The following MPPED2 variants were observed in gnomAD, a reference collection of about 807,000 sequenced individuals.
MPPED2 encodes the protein metallophosphoesterase MPPED2.
Under a neutral mutation model 33.0 loss-of-function variants are expected in MPPED2, and 5 were observed. The observed-to-expected ratio is 0.15, with a 90% CI of 0.08 to 0.32. The LOEUF is 0.32. Ranked by LOEUF, MPPED2 falls within the 10% of genes least tolerant of loss-of-function variation. MPPED2 has a pLI of 1.00. For missense variants in MPPED2, 275 were observed against 372.1 expected, an observed-to-expected ratio of 0.74 and a Z score of 2.15; for synonymous variants, 136 against 141.9, an observed-to-expected ratio of 0.96 and a Z score of 0.29.
At chr11:30,443,654 T>C (rs1048652234) in intron 4 of MPPED2, among the ~76,000 whole-genome samples, 1 of 152,156 alleles carries the variant, frequency 6.6e-6, no homozygotes, top group Non-Finnish European at 1.5e-5. Context: ...CTCTGTAGAA[T>C]GAACTCAGGG....
intron 4 of MPPED2, among the ~76,000 whole-genome samples, chr11:30,473,950 T>G (rs1951063559): frequency 6.6e-6 from 1 of 152,204 alleles, no homozygotes; most frequent in Non-Finnish European, 1.5e-5. Context: ...TGCCTTGAAA[T>G]GAGACCACTA....
chr11:30,392,119 T>G (rs539451995), intron 6 of MPPED2, among the ~76,000 whole-genome samples: 5 of 152,348 alleles, frequency 3.3e-5, no homozygotes, highest in Admixed American at 2.6e-4. Flanking sequence ...CACTTTGAAT[T>G]TCTAACTTCC....
chr11:30,475,131 T>G (rs1205119148), intron 4 of MPPED2, among the ~76,000 whole-genome samples: 2 of 152,204 alleles, frequency 1.3e-5, no homozygotes, highest in East Asian at 3.8e-4. Flanking sequence ...TTTTCATCTT[T>G]TTTCTCTCCC....
intron 4 of MPPED2, among the ~76,000 whole-genome samples, chr11:30,428,064 G>A (rs1231196715): frequency 6.6e-6 from 1 of 152,062 alleles, no homozygotes; most frequent in Non-Finnish European, 1.5e-5. Flanking sequence ...CTTTTGCTCA[G>A]GAAGCTGACA....
At chr11:30,446,810 C>G (rs529458793) in intron 4 of MPPED2, among the ~76,000 whole-genome samples, 10 of 152,292 alleles carry the variant, frequency 6.6e-5, no homozygotes, top group South Asian at 2.1e-4. Context: ...CGGAGCCCCC[C>G]CCGACGCCAA....
chr11:30,527,006 G>A (rs1323535208), intron 3 of MPPED2, among the ~76,000 whole-genome samples: 2 of 151,764 alleles, frequency 1.3e-5, no homozygotes, highest in Non-Finnish European at 2.9e-5. Flanking sequence ...CTCACTGCAA[G>A]CTCCGCCTCC....
chr11:30,514,365 G>A (rs980990675), intron 3 of MPPED2, among the ~76,000 whole-genome samples: 2 of 152,184 alleles, frequency 1.3e-5, no homozygotes, highest in South Asian at 2.1e-4. Flanking sequence ...ATTACTTCAT[G>A]CTATACCTGG....
chr11:30,512,391 C>A (rs1386816686), intron 3 of MPPED2, among the ~76,000 whole-genome samples: 1 of 152,152 alleles, frequency 6.6e-6, no homozygotes, highest in Admixed American at 6.5e-5. Flanking sequence ...AGAAACAGAT[C>A]ATTTCTCGTT....
chr11:30,573,880 G>T (rs186613728), intron 2 of MPPED2, among the ~76,000 whole-genome samples: 159 of 152,176 alleles, frequency 1.0e-3, no homozygotes, highest in African/African-American at 3.7e-3. Flanking sequence ...AAATAAAAAA[G>T]TTTGGTACAA....
intron 2 of MPPED2, among the ~76,000 whole-genome samples, chr11:30,573,703 C>G (rs978988469): frequency 6.6e-6 from 1 of 152,058 alleles, no homozygotes; most frequent in Non-Finnish European, 1.5e-5. Flanking sequence ...TTGGGATATA[C>G]GTGGTTTTTG....
chr11:30,453,449 T>C (rs1205580765), intron 4 of MPPED2, among the ~76,000 whole-genome samples: 1 of 152,208 alleles, frequency 6.6e-6, no homozygotes, highest in Non-Finnish European at 1.5e-5. Flanking sequence ...ATTTTATTTC[T>C]GGGACAATCA....
At chr11:30,389,787 T>G (rs1947748056) in intron 6 of MPPED2, among the ~76,000 whole-genome samples, 2 of 152,168 alleles carry the variant, frequency 1.3e-5, no homozygotes, top group South Asian at 4.1e-4. Context: ...TTTCAGAAAC[T>G]GACTCAGGTA....
intron 6 of MPPED2, among the ~76,000 whole-genome samples, chr11:30,403,476 C>T (rs773443569): frequency 6.6e-6 from 1 of 152,166 alleles, no homozygotes; most frequent in Non-Finnish European, 1.5e-5. Context: ...TTGATTTCAA[C>T]AAATTTTCTT....
At chr11:30,406,832 A>G (rs1335073055), downstream of MPPED2, among the ~76,000 whole-genome samples, 4 of 152,202 alleles carry the variant, frequency 2.6e-5, no homozygotes, top group Non-Finnish European at 5.9e-5. Context: ...GCCTCACCTC[A>G]TGGCCAAATC....
At chr11:30,430,239 C>CCAATATGATAGCCGTATTTACTG (rs1419896147) in intron 4 of MPPED2, among the ~76,000 whole-genome samples, 2 of 151,814 alleles carry the variant, frequency 1.3e-5, no homozygotes, top group Non-Finnish European at 2.9e-5. Context: ...CCTGTGCTGC[C>CCAATATGATAGCCGTATTTACTG]CAATATGATA....
chr11:30,391,681 C>A (rs1947778157), intron 6 of MPPED2, among the ~76,000 whole-genome samples: 1 of 152,106 alleles, frequency 6.6e-6, no homozygotes, highest in Non-Finnish European at 1.5e-5. Flanking sequence ...TAAGTCTTAA[C>A]TATTAGTTCT....
Position 30,410,496 on chromosome 11 carries a change from G to A in MPPED2, c.*972C>T, listed in dbSNP as rs1948065186. 2.0e-6 allele frequency: 2 copies of A among 985,712 alleles called. No homozygotes were observed. The highest frequency in any genetic ancestry group is 2.4e-6 in the Non-Finnish European group (2 of 829,912). 61.1% of individuals were successfully genotyped at this position (985,712 alleles called of 1,614,324 possible). A position where few individuals can be genotyped will look rare whatever the true frequency, so the allele number is the denominator to read the frequency against. Reference sequence around the variant, plus strand: ...GTATTTAAATAGAAAGGACAACTAAGCCTTATTTTAGTTAGCTTCCATTGC... The same window carrying A: ...GTATTTAAATAGAAAGGACAACTAAACCTTATTTTAGTTAGCTTCCATTGC... On this transcript the variant is annotated 3_prime_UTR_variant, in exon 7 of 7. Coordinates refer to ENST00000358117, the MANE Select transcript of MPPED2 (RefSeq NM_001584.3).
intron 6 of MPPED2, among the ~76,000 whole-genome samples, chr11:30,401,958 A>G (rs576304383): frequency 4.0e-5 from 6 of 151,854 alleles, no homozygotes; most frequent in African/African-American, 1.4e-4. Flanking sequence ...CGGCCTCCCA[A>G]AGTGCTGGGA....
intron 4 of MPPED2, among the ~76,000 whole-genome samples, chr11:30,461,267 C>G (rs907633820): frequency 6.6e-6 from 1 of 151,904 alleles, no homozygotes; most frequent in Admixed American, 6.6e-5. Flanking sequence ...TTTGAAATAA[C>G]GAAAAAAGCT....
Sources: allele counts gnomAD v4.1 joint callset (sites outside exome capture counted in the v4.1 genomes callset), GRCh38; gene constraint gnomAD v4.1.1; transcripts MANE v1.5; gene names NCBI Gene and HGNC (gene_info 2026-07-23, HGNC 2026-07-21).